Variants in ST8SIA2 observed in about 807,000 individuals in gnomAD.
ST8SIA2 encodes alpha-2,8-sialyltransferase 8B.
In ST8SIA2, 22 loss-of-function variants were observed where a neutral mutation model predicts 37.6. The observed-to-expected ratio is 0.58, with a 90% CI of 0.42 to 0.83. The LOEUF (loss-of-function observed/expected upper bound fraction) is 0.83. Ranked by LOEUF, ST8SIA2 falls within the 40% of genes least tolerant of loss-of-function variation. ST8SIA2 has a pLI of 0.00. For missense variants in ST8SIA2, 382 were observed against 484.7 expected, an observed-to-expected ratio of 0.79 and a Z score of 1.99; for synonymous variants, 205 against 201.2, an observed-to-expected ratio of 1.02 and a Z score of -0.16.
intron 1 of ST8SIA2, among the ~76,000 whole-genome samples, chr15:92,397,253 T>C (rs1308099242): frequency 6.6e-6 from 1 of 152,226 alleles, no homozygotes; most frequent in South Asian, 2.1e-4. Flanking sequence ...AGATTTACTT[T>C]TCTGAAGCTT....
chr15:92,431,976 T>C (rs1222247305), intron 2 of ST8SIA2, among the ~76,000 whole-genome samples: 4 of 152,180 alleles, frequency 2.6e-5, no homozygotes, highest in African/African-American at 9.7e-5. Flanking sequence ...TGCCATCTTG[T>C]GTCCAGGAGA....
intron 3 of ST8SIA2, among the ~76,000 whole-genome samples, chr15:92,435,836 T>G (rs952310047): frequency 6.6e-6 from 1 of 152,064 alleles, no homozygotes; most frequent in African/African-American, 2.4e-5. Context: ...CAACCCCAAC[T>G]GCATTAGCTC....
At chr15:92,450,742 T>C (rs568753024) in intron 5 of ST8SIA2, among the ~76,000 whole-genome samples, 108 of 152,284 alleles carry the variant, frequency 7.1e-4, no homozygotes, top group African/African-American at 2.5e-3. Flanking sequence ...ACCTCCAACA[T>C]TAGGGGTTAC....
intron 3 of ST8SIA2, among the ~76,000 whole-genome samples, chr15:92,434,635 GAGT>G: frequency 6.6e-6 from 1 of 152,356 alleles, no homozygotes; most frequent in Middle Eastern, 3.4e-3. Flanking sequence ...AGCAAACCTT[GAGT>G]CTCGGGTCAG....
At chr15:92,398,709 G>A (rs1396461126) in intron 1 of ST8SIA2, among the ~76,000 whole-genome samples, 2 of 152,216 alleles carry the variant, frequency 1.3e-5, no homozygotes, top group African/African-American at 4.8e-5. Flanking sequence ...GGCCTGGAGA[G>A]GTTGTATACC....
At chr15:92,434,431 C>A in intron 3 of ST8SIA2, 56 bp downstream of exon 3, 2 of 1,611,680 alleles carry the variant, frequency 1.2e-6, no homozygotes, top group Non-Finnish European at 1.7e-6. Flanking sequence ...CATACACGGG[C>A]AAATTGCTTC....
chr15:92,404,035 C>T (rs1037734681), intron 1 of ST8SIA2, among the ~76,000 whole-genome samples: 2 of 152,198 alleles, frequency 1.3e-5, no homozygotes, highest in African/African-American at 4.8e-5. Flanking sequence ...GCTCCACAGG[C>T]CCTTCCCCAA....
At chr15:92,416,094 G>A (rs763841943) in intron 1 of ST8SIA2, among the ~76,000 whole-genome samples, 6 of 151,982 alleles carry the variant, frequency 3.9e-5, no homozygotes, top group Non-Finnish European at 8.8e-5. Context: ...GTGTAGGGAG[G>A]GCTGGCAGAT....
chr15:92,415,489 C>G (rs1034790747), intron 1 of ST8SIA2, among the ~76,000 whole-genome samples: 2 of 151,820 alleles, frequency 1.3e-5, no homozygotes, highest in African/African-American at 4.8e-5. Context: ...AGGCAAGTCA[C>G]AGATATAAGT....
intron 1 of ST8SIA2, among the ~76,000 whole-genome samples, chr15:92,427,971 A>G (rs777203477): frequency 1.4e-4 from 21 of 152,240 alleles, no homozygotes; most frequent in Non-Finnish European, 2.5e-4. Flanking sequence ...CAATGAAGGG[A>G]GACTCGGTCT....
intron 1 of ST8SIA2, among the ~76,000 whole-genome samples, chr15:92,400,206 G>A (rs1357140375): frequency 2.0e-5 from 3 of 152,048 alleles, no homozygotes; most frequent in African/African-American, 4.8e-5. Flanking sequence ...GTCCCCTTCC[G>A]AGACATCTGC....
intron 5 of ST8SIA2, among the ~76,000 whole-genome samples, chr15:92,451,029 G>T (rs1189974869): frequency 1.3e-5 from 2 of 152,190 alleles, no homozygotes; most frequent in East Asian, 1.9e-4. Context: ...GGGCAACTTG[G>T]ACTTGACGGA....
chr15:92,409,610 C>G (rs978276314), intron 1 of ST8SIA2, among the ~76,000 whole-genome samples: 1 of 152,140 alleles, frequency 6.6e-6, no homozygotes, highest in African/African-American at 2.4e-5. Context: ...GTGCATGACA[C>G]CTGGTACATG....
intron 2 of ST8SIA2, among the ~76,000 whole-genome samples, chr15:92,433,272 G>A (rs761943538): frequency 1.3e-5 from 2 of 152,232 alleles, no homozygotes; most frequent in African/African-American, 2.4e-5. Context: ...GCTTCAGAAT[G>A]TGTCATCACA....
At chr15:92,425,117 C>T (rs2141823805) in intron 1 of ST8SIA2, among the ~76,000 whole-genome samples, 1 of 152,192 alleles carries the variant, frequency 6.6e-6, no homozygotes, top group South Asian at 2.1e-4. Context: ...TGTTTCTTAC[C>T]CGATCATCTT....
intron 1 of ST8SIA2, among the ~76,000 whole-genome samples, chr15:92,429,318 C>T (rs997041306): frequency 1.5e-4 from 23 of 152,302 alleles, no homozygotes; most frequent in African/African-American, 4.8e-4. Context: ...ACCAACCTAA[C>T]GTGTCAGTGA....
chr15:92,427,914 C>T (rs1255447767), intron 1 of ST8SIA2, among the ~76,000 whole-genome samples: 7 of 152,182 alleles, frequency 4.6e-5, no homozygotes, highest in Non-Finnish European at 7.4e-5. Flanking sequence ...ACCCAGGAGG[C>T]GGAGTTTGCA....
intron 5 of ST8SIA2, among the ~76,000 whole-genome samples, chr15:92,453,952 A>G (rs1442608566): frequency 6.6e-6 from 1 of 152,116 alleles, no homozygotes; most frequent in African/African-American, 2.4e-5. Context: ...AACAAATAAG[A>G]TCATCTGAAA....
chr15:92,454,325 T>C (rs183583218), intron 5 of ST8SIA2, among the ~76,000 whole-genome samples: 11 of 152,174 alleles, frequency 7.2e-5, no homozygotes, highest in African/African-American at 2.7e-4. Context: ...CCCCCCTCTT[T>C]GCAAGGACAT....
Sources: gnomAD v4.1 joint callset for allele counts (sites outside exome capture counted in the v4.1 genomes callset) on GRCh38, gnomAD v4.1.1 for gene constraint, MANE v1.5 for transcripts, NCBI Gene and HGNC (gene_info 2026-07-23, HGNC 2026-07-21) for gene names.